ADA2: variants seen among roughly 807,000 people sequenced by gnomAD.
ADA2 encodes the protein adenosine deaminase 2, also known as adenosine deaminase CECR1.
ADA2 carries 29 observed loss-of-function variants against 44.2 expected under a neutral mutation model. That is an observed-to-expected ratio of 0.66 (90% CI 0.49 to 0.89). ADA2 has a LOEUF of 0.89. ADA2 is among the 40% of genes least tolerant of loss of function. ADA2 has a pLI of 0.00. For synonymous variants in ADA2, 215 were observed against 234.9 expected (o/e 0.92, Z 0.77); for missense variants, 637 against 644.8 (o/e 0.99, Z 0.13).
intron 7 of ADA2, among the ~76,000 whole-genome samples, chr22:17,184,615 T>G (rs1182880947): frequency 2.6e-5 from 4 of 152,090 alleles, no homozygotes; most frequent in African/African-American, 9.7e-5. Context: ...ATAAGCATTC[T>G]AATGGATTCA....
intron 1 of ADA2, 141 bp from the exon 2 acceptor site, chr22:17,209,864 G>A: frequency 1.7e-6 from 1 of 590,648 alleles, no homozygotes; most frequent in Non-Finnish European, 3.0e-6. Flanking sequence ...AAGACCTACA[G>A]GTACAGACAG....
intron 1 of ADA2, among the ~76,000 whole-genome samples, chr22:17,218,442 T>C (rs1378504331): frequency 1.3e-5 from 2 of 152,242 alleles, no homozygotes; most frequent in East Asian, 3.9e-4. Context: ...ATTAAGTCCT[T>C]GACTCTCTTT....
rs749226595 is a variant in ADA2 at position 17,188,345 on chromosome 22, C to T, written c.1075G>A (p.Glu359Lys). Residue 359 changes from glutamate to lysine, a missense_variant, in exon 7 of 10, where the codon GAA (glutamate) becomes AAA (lysine). Physicochemically the swap from Glu to Lys is moderately conservative, Grantham distance 56. Transcript: ENST00000399837. ...VKLPYFFHAGETDWQGTSIDR... is the reference protein window; with the variant it reads ...VKLPYFFHAGKTDWQGTSIDR... ...TCGCATCCCGCAGGCTCACCTGTTTCTCCGGCGTGGAAGAAGTAAGGCAGC... is the reference window on the plus strand; with the variant it reads ...TCGCATCCCGCAGGCTCACCTGTTTTTCCGGCGTGGAAGAAGTAAGGCAGC... The T allele has an allele frequency of 6.2e-7, 1 of 1,612,800 alleles. No individual in the cohort carries two copies. The highest frequency in any genetic ancestry group is 8.5e-7 in the Non-Finnish European group (1 of 1,178,784).
chr22:17,205,104 G>A (rs1220807042), intron 3 of ADA2, among the ~76,000 whole-genome samples: 3 of 151,632 alleles, frequency 2.0e-5, no homozygotes, highest in African/African-American at 4.9e-5. Flanking sequence ...TGCAACCTCC[G>A]CCTCCCAGGT....
At chr22:17,194,387 C>T (rs1382092786) in intron 4 of ADA2, among the ~76,000 whole-genome samples, 1 of 152,228 alleles carries the variant, frequency 6.6e-6, no homozygotes, top group East Asian at 1.9e-4. Flanking sequence ...GCCTCCCACA[C>T]CCCTCCAGGC....
intron 1 of ADA2, among the ~76,000 whole-genome samples, chr22:17,216,771 AACAC>A (rs1555888343): frequency 7.4e-6 from 1 of 135,076 alleles, no homozygotes; most frequent in African/African-American, 2.8e-5. Flanking sequence ...AAAAAAAAAA[AACAC>A]ACACACACAC....
intron 4 of ADA2, among the ~76,000 whole-genome samples, chr22:17,203,219 CT>C (rs1299585654): frequency 2.0e-5 from 3 of 152,132 alleles, no homozygotes; most frequent in Non-Finnish European, 4.4e-5. Context: ...CATGTGGCTC[CT>C]TTTATTTTTC....
At chr22:17,192,863 G>T in intron 4 of ADA2, 1 of 430,782 alleles carries the variant, frequency 2.3e-6, no homozygotes, top group East Asian at 5.7e-5. Context: ...TCTCTTCCTC[G>T]GCGCTGCCTA....
chr22:17,182,541 T>C (rs1414151159), intron 8 of ADA2, 63 bp downstream of exon 8: 10 of 1,540,288 alleles, frequency 6.5e-6, no homozygotes, highest in Non-Finnish European at 9.0e-6. Flanking sequence ...GCAAAAAGTT[T>C]AAGAGAGCAG....
intron 7 of ADA2, among the ~76,000 whole-genome samples, chr22:17,184,079 C>A (rs1433021328): frequency 2.7e-5 from 4 of 150,562 alleles, no homozygotes; most frequent in Non-Finnish European, 5.9e-5. Context: ...CCTGCCTCAG[C>A]CTCCCAAGTA....
chr22:17,214,096 T>C, intron 1 of ADA2: 1 of 664,778 alleles, frequency 1.5e-6, no homozygotes. Context: ...AGTGGAGGAC[T>C]TCAACAGACA....
chr22:17,201,402 A>G (rs1360893895), intron 4 of ADA2, among the ~76,000 whole-genome samples: 1 of 152,182 alleles, frequency 6.6e-6, no homozygotes, highest in Non-Finnish European at 1.5e-5. Flanking sequence ...AGCGTATAAA[A>G]GCCTACAGAA....
intron 4 of ADA2, among the ~76,000 whole-genome samples, chr22:17,195,863 C>T (rs2062184114): frequency 6.6e-6 from 1 of 151,084 alleles, no homozygotes; most frequent in Non-Finnish European, 1.5e-5. Context: ...TGGGTTCAAG[C>T]ACGACTCCCG....
intron 4 of ADA2, chr22:17,193,074 A>G: frequency 1.1e-6 from 1 of 903,732 alleles, no homozygotes; most frequent in Non-Finnish European, 1.8e-6. Flanking sequence ...GATGCCCAAC[A>G]GTGGTTATGG....
At position 17,209,507 on chromosome 22, in the gene ADA2, C is replaced by T; in HGVS notation, c.171G>A (p.Glu57=). ...GGRLVLNTKE[E]LANERLMTLK... is the part of the protein sequence containing the mutation. The stretch of plus-strand genomic sequence containing the variant: ...GCGTCATGAGCCTCTCATTGGCCAG[C>T]TCCTCCTTGGTGTTCAGCACCAGCC... The change falls in exon 2 of 10, where the codon GAG becomes GAA. Residue 57 remains glutamate, a synonymous_variant. Coordinates refer to ENST00000399837, the MANE Select transcript of ADA2 (RefSeq NM_001282225.2). 1.2e-6 allele frequency: 2 copies of T among 1,614,138 alleles called. No homozygotes were observed. Among genetic ancestry groups the T allele is most frequent in the Non-Finnish European group, 1.7e-6 (2 of 1,180,026 alleles).
intron 8 of ADA2, 55 bp from the exon 9 acceptor site, chr22:17,182,077 T>A: frequency 2.8e-6 from 4 of 1,434,848 alleles, no homozygotes; most frequent in Non-Finnish European, 3.9e-6. Context: ...AAAAGAGTAG[T>A]CACAAGTGAG....
At position 17,179,235 on chromosome 22, in the gene ADA2, A is replaced by T. The variant is rs1193238445; in HGVS notation, c.*2248T>A. The T allele has an allele frequency of 6.6e-6, 1 of 152,246 alleles. No homozygotes were observed. Among genetic ancestry groups the T allele is most frequent in the Non-Finnish European group, 1.5e-5 (1 of 68,048 alleles). 9.4% of individuals were successfully genotyped at this position (152,246 alleles called of 1,614,324 possible). A position where few individuals can be genotyped will look rare whatever the true frequency, so the allele number is the denominator to read the frequency against. Reference sequence around the variant, plus strand: ...GGACTCTGATCACATGAGGTCTTTTATTTGGGGCGGCTCTGCTCTACTCCC... The same window carrying T: ...GGACTCTGATCACATGAGGTCTTTTTTTTGGGGCGGCTCTGCTCTACTCCC... On this transcript the variant is annotated 3_prime_UTR_variant, in exon 10 of 10. Transcript: ENST00000399837.
chr22:17,206,909 C>T (rs954551963), intron 3 of ADA2, among the ~76,000 whole-genome samples, 162 bp downstream of exon 3: 1 of 152,200 alleles, frequency 6.6e-6, no homozygotes, highest in African/African-American at 2.4e-5. Context: ...TCGCCTTGGC[C>T]TCCCAAAGTG....
Position 17,190,010 on chromosome 22 carries a change from C to T in ADA2, c.904G>A (p.Ala302Thr), listed in dbSNP as rs1333898789. 18 of 1,613,398 alleles carry T rather than the reference C, an allele frequency of 1.1e-5. No individual in the cohort carries two copies. The highest frequency in any genetic ancestry group is 5.0e-5 in the Admixed American group (3 of 59,986). ...CCCATGGCCATTCGGATGGATTCTG[C>T]GATGACAGCCACATCTTTGGATCTG... ...DHRSKDVAVI[A>T]ESIRMAMGLR... The change falls in exon 6 of 10, where the codon GCA becomes ACA. Residue 302 changes from alanine (A) to threonine (T), a missense_variant. Coordinates refer to ENST00000399837, the MANE Select transcript of ADA2 (RefSeq NM_001282225.2).
Sources: allele counts gnomAD v4.1 joint callset (sites outside exome capture counted in the v4.1 genomes callset), GRCh38; gene constraint gnomAD v4.1.1; transcripts MANE v1.5; gene names NCBI Gene and HGNC (gene_info 2026-07-23, HGNC 2026-07-21).